AFAP1: variants seen among roughly 807,000 people sequenced by gnomAD.
AFAP1 encodes the protein actin filament associated protein 1.
AFAP1 carries 75 observed loss-of-function variants against 93.9 expected under a neutral mutation model. The ratio of observed to expected loss-of-function variants is 0.80; its 90% CI spans 0.66 to 0.97. AFAP1 has a LOEUF of 0.97. Among genes scored for constraint, AFAP1 ranks in the 50% least tolerant of loss-of-function variants. The pLI, the probability that AFAP1 is intolerant of heterozygous loss-of-function variation, is 0.00. For synonymous variants in AFAP1, 517 were observed against 430.7 expected (o/e 1.20, Z -2.48); for missense variants, 1,201 against 1,050.8 (o/e 1.14, Z -1.98).
chr4:7,874,989 A>G (rs1717401943), intron 1 of AFAP1, among the ~76,000 whole-genome samples: 1 of 152,168 alleles, frequency 6.6e-6, no homozygotes, highest in South Asian at 2.1e-4. Flanking sequence ...AAGGTCTTCA[A>G]AATATATTTT....
chr4:7,856,632 C>T (rs974055845), intron 3 of AFAP1, among the ~76,000 whole-genome samples: 9 of 152,300 alleles, frequency 5.9e-5, no homozygotes, highest in Non-Finnish European at 7.4e-5. Flanking sequence ...GCTCACTCCG[C>T]GCCTCGGGAC....
chr4:7,938,734 A>AT lies in AFAP1; in HGVS notation c.-3+921dup, dbSNP rs796821927. ...TACAAAGTTCAATCTGGCTTTCCAG[A>AT]TTTTTTTTTTCTTCCCATTACTAAC... On this transcript the variant is annotated intron_variant, in intron 1 of 17. Coordinates refer to ENST00000420658, the MANE Select transcript of AFAP1 (RefSeq NM_001134647.2). Among the ~76,000 whole-genome samples, 1,219 of 150,594 alleles carry AT rather than the reference A, an allele frequency of 8.1e-3. 19 individuals are homozygous for AT. Among genetic ancestry groups the AT allele is most frequent in the African/African-American group, 0.027 (1,126 of 41,122 alleles).
chr4:7,789,923 G>A (rs2149002682), intron 11 of AFAP1, among the ~76,000 whole-genome samples: 1 of 152,302 alleles, frequency 6.6e-6, no homozygotes, highest in Non-Finnish European at 1.5e-5. Flanking sequence ...TTGTAAATAG[G>A]TTTTCAGGAA....
chr4:7,914,132 G>A (rs759982491), intron 1 of AFAP1, among the ~76,000 whole-genome samples: 3 of 150,626 alleles, frequency 2.0e-5, no homozygotes, highest in Non-Finnish European at 4.4e-5. Context: ...TCAGCTCACC[G>A]CAACCTCTGC....
chr4:7,913,422 C>A (rs998047482), intron 1 of AFAP1, among the ~76,000 whole-genome samples: 2 of 151,686 alleles, frequency 1.3e-5, no homozygotes, highest in African/African-American at 4.8e-5. Context: ...TAGCGCATCA[C>A]CCATATTAAA....
chr4:7,851,879 C>T (rs1261542550), intron 4 of AFAP1, among the ~76,000 whole-genome samples: 1 of 152,124 alleles, frequency 6.6e-6, no homozygotes, highest in Admixed American at 6.5e-5. Flanking sequence ...AATAAATTTG[C>T]CTTCTAGGTC....
At chr4:7,810,619 G>A (rs771171838) in intron 8 of AFAP1, among the ~76,000 whole-genome samples, 14 of 152,272 alleles carry the variant, frequency 9.2e-5, no homozygotes, top group Non-Finnish European at 1.3e-4. Context: ...CCTCATATTC[G>A]GTTTAGCCAG....
At chr4:7,767,575 C>T (rs1033102756) in intron 17 of AFAP1, among the ~76,000 whole-genome samples, 1 of 152,114 alleles carries the variant, frequency 6.6e-6, no homozygotes, top group East Asian at 1.9e-4. Context: ...GACAGCCAGC[C>T]ATTCCTCCCT....
In AFAP1 at chr4:7,780,958, T is replaced by C. The variant is rs143506063; in HGVS notation, c.1782+418A>G. Among the ~76,000 whole-genome samples, 12 of 152,354 alleles carry C rather than the reference T, an allele frequency of 7.9e-5. No individual in the cohort carries two copies. The East Asian group carries it at 2.3e-3, about 29-fold the overall frequency. ...ACCACACTCTGAATAATCTATTTCA[T>C]GTTTAAAGATCAAAAGCAATGACTA... On this transcript the variant is annotated intron_variant, in intron 13 of 17. Transcript: ENST00000420658.
chr4:7,819,769 C>A (rs767181858), intron 6 of AFAP1, among the ~76,000 whole-genome samples: 1 of 152,124 alleles, frequency 6.6e-6, no homozygotes, highest in South Asian at 2.1e-4. Context: ...AGAAGACAGA[C>A]CCTAGGAGCA....
In AFAP1 at chr4:7,838,638, C is replaced by G; in HGVS notation, c.612G>C (p.Thr204=). Residue 204 remains threonine, a synonymous_variant, in exon 6 of 18, where the codon ACG becomes ACC. Transcript: ENST00000420658. ...TCTTTTTGCTGTCTTTCGGGATGTA[C>G]GTAATGTTACAGCCTTGGAGTGGCA... ...MELPLQGCNI[T]YIPKDSKKKK... 1 of 1,614,108 alleles carries G rather than the reference C, an allele frequency of 6.2e-7. No homozygotes were observed. The highest frequency in any genetic ancestry group is 8.5e-7 in the Non-Finnish European group (1 of 1,180,042).
intron 1 of AFAP1, among the ~76,000 whole-genome samples, chr4:7,889,690 GTTT>G (rs377063737): frequency 4.7e-5 from 5 of 107,196 alleles, no homozygotes; most frequent in Admixed American, 9.3e-5. Context: ...TCAATGAAGC[GTTT>G]TTTTTTTTTT....
chr4:7,939,470 A>C lies in AFAP1; in HGVS notation c.-3+186T>G, dbSNP rs1340330555. 4 of 297,422 alleles carry C rather than the reference A, an allele frequency of 1.3e-5. No homozygotes were observed. The Admixed American group carries it at 1.6e-4, about 12-fold the overall frequency. 18.4% of individuals were successfully genotyped at this position (297,422 alleles called of 1,614,324 possible). On this transcript the variant is annotated intron_variant, in intron 1 of 17. Coordinates refer to ENST00000420658, the MANE Select transcript of AFAP1 (RefSeq NM_001134647.2). This position sits in a 1 kb window ranked among gnomAD's most constrained non-coding sequence, Gnocchi z 5.6. ...GGGACCGGCCCCCACCCGCAGGACG[A>C]CCGGGACCCCCGCGCGGGCCCACGC...
At chr4:7,788,281 G>C (rs1471257186) in intron 11 of AFAP1, among the ~76,000 whole-genome samples, 1 of 152,256 alleles carries the variant, frequency 6.6e-6, no homozygotes, top group Non-Finnish European at 1.5e-5. Context: ...CACAGCGTAA[G>C]TGAAAACCGG....
intron 1 of AFAP1, among the ~76,000 whole-genome samples, chr4:7,903,049 G>A (rs1000590809): frequency 1.3e-5 from 2 of 152,216 alleles, no homozygotes; most frequent in Non-Finnish European, 2.9e-5. Flanking sequence ...AAGTATCTGA[G>A]GATGATGGGC....
At position 7,793,759 on chromosome 4, in the gene AFAP1, T is replaced by C. The variant is rs769987583; in HGVS notation, c.1334A>G (p.Asp445Gly). Residue 445 changes from aspartate to glycine, a missense_variant, in exon 11 of 18, where the codon GAC (aspartate) becomes GGC (glycine). Physicochemically the swap from Asp to Gly is moderately conservative, Grantham distance 94. Transcript: ENST00000420658. Reference sequence around the variant, plus strand: ...GTAGTCATAGTGCAGAGCCTCCGGGTCTGTGGACGATCCCGTCTCTGCGAG... The same window carrying C: ...GTAGTCATAGTGCAGAGCCTCCGGGCCTGTGGACGATCCCGTCTCTGCGAG... ...ILLAETGSST[D>G]PEALHYDYID... 10 of 1,576,122 alleles carry C rather than the reference T, an allele frequency of 6.3e-6. No individual in the cohort carries two copies. The African/African-American group carries it at 1.2e-4, about 19-fold the overall frequency.
At chr4:7,770,053 G>A (rs1056965124) in intron 16 of AFAP1, among the ~76,000 whole-genome samples, 6 of 152,350 alleles carry the variant, frequency 3.9e-5, no homozygotes, top group Admixed American at 6.5e-5. Flanking sequence ...TCCCGAGGAC[G>A]GCCTGGGCTG....
chr4:7,765,448 G>A (rs1409158922), intron 17 of AFAP1, among the ~76,000 whole-genome samples: 1 of 152,196 alleles, frequency 6.6e-6, no homozygotes, highest in African/African-American at 2.4e-5. Context: ...CACAGCAATA[G>A]ATGTACCTGC....
intron 11 of AFAP1, among the ~76,000 whole-genome samples, chr4:7,788,277 G>A (rs117008004): frequency 2.6e-5 from 4 of 152,214 alleles, no homozygotes; most frequent in East Asian, 1.9e-4. Context: ...AAAACACAGC[G>A]TAAGTGAAAA....
Sources: allele counts gnomAD v4.1 joint callset (sites outside exome capture counted in the v4.1 genomes callset), GRCh38; gene constraint gnomAD v4.1.1; non-coding constraint Gnocchi (gnomAD v3.1); transcripts MANE v1.5; gene names NCBI Gene and HGNC (gene_info 2026-07-23, HGNC 2026-07-21).